CWC22: variants seen among roughly 807,000 people sequenced by gnomAD.
CWC22 encodes pre-mRNA-splicing factor CWC22 homolog.
In CWC22, 53 loss-of-function variants were observed where a neutral mutation model predicts 117.2. That is an observed-to-expected ratio of 0.45 (90% CI 0.36 to 0.57). CWC22 has a LOEUF of 0.57. CWC22 is among the 20% of genes least tolerant of loss of function. CWC22 has a pLI of 0.00. For missense variants in CWC22, 980 were observed against 1,068.8 expected (o/e 0.92, Z 1.16); for synonymous variants, 360 against 355.6 (o/e 1.01, Z -0.14).
rs1686420962 is a variant in CWC22 at position 179,950,609 on chromosome 2, G to C, written c.2043C>G (p.Asp681Glu). Residue 681 changes from aspartate to glutamate, a missense_variant, in exon 19 of 20, where the codon GAC (aspartate) becomes GAG (glutamate). Around this residue, in one of 3 missense-constraint regions of CWC22, gnomAD observed 306 missense variants for 296.8 expected, o/e 1.03. Coordinates refer to ENST00000410053, the MANE Select transcript of CWC22 (RefSeq NM_020943.3). The stretch of plus-strand genomic sequence containing the variant: ...TGCTGTCAGAATCAGAGTCGGATGA[G>C]TCAGACTCTGAAGAGGAGGACGCTG... Reference protein sequence around the residue: ...SSSASSSSESDSSDSDSDSSD... With the variant: ...SSSASSSSESESSDSDSDSSD... 1 of 1,612,922 alleles carries C rather than the reference G, an allele frequency of 6.2e-7. No individual in the cohort carries two copies. The highest frequency in any genetic ancestry group is 8.5e-7 in the Non-Finnish European group (1 of 1,179,132).
intron 1 of CWC22, among the ~76,000 whole-genome samples, chr2:180,005,787 T>A (rs1184593734): frequency 6.6e-6 from 1 of 152,166 alleles, no homozygotes; most frequent in Non-Finnish European, 1.5e-5. Context: ...GACAATACAG[T>A]GAGGCAGGTA....
chr2:179,970,592 T>C (rs2105527575), intron 10 of CWC22, 29 bp from the exon 11 acceptor site: 1 of 1,558,008 alleles, frequency 6.4e-7, no homozygotes, highest in East Asian at 2.4e-5. Flanking sequence ...TTAATGTTTA[T>C]TTTCTATATT....
intron 1 of CWC22, among the ~76,000 whole-genome samples, chr2:180,002,203 T>C (rs1165267561): frequency 6.6e-6 from 1 of 152,196 alleles, no homozygotes; most frequent in Non-Finnish European, 1.5e-5. Context: ...AAACCAGCTC[T>C]TCTTCTAAGA....
At chr2:179,957,245 C>A (rs1456313155) in intron 14 of CWC22, among the ~76,000 whole-genome samples, 1 of 151,934 alleles carries the variant, frequency 6.6e-6, no homozygotes, top group Non-Finnish European at 1.5e-5. Context: ...TACAAACAAG[C>A]ACACTATTAC....
chr2:179,991,481 C>A (rs1687565547), intron 2 of CWC22, among the ~76,000 whole-genome samples: 1 of 152,056 alleles, frequency 6.6e-6, no homozygotes, highest in African/African-American at 2.4e-5. Context: ...TAGAGCCAAG[C>A]CACTAAGTGT....
At chr2:179,979,035 A>C (rs971869263) in intron 5 of CWC22, among the ~76,000 whole-genome samples, 4 of 152,138 alleles carry the variant, frequency 2.6e-5, no homozygotes, top group African/African-American at 9.7e-5. Flanking sequence ...AGATCTTTCA[A>C]TGCTCTACAG....
chr2:179,955,560 CA>C (rs1686567750), intron 14 of CWC22, among the ~76,000 whole-genome samples: 1 of 151,858 alleles, frequency 6.6e-6, no homozygotes, highest in Non-Finnish European at 1.5e-5. Flanking sequence ...AAAGAAACAT[CA>C]AAAAACACCT....
Position 179,950,725 on chromosome 2 carries a change from G to T in CWC22, c.1927C>A (p.Leu643Met). The T allele has an allele frequency of 1.2e-6, 2 of 1,612,806 alleles. No individual in the cohort carries two copies. Among genetic ancestry groups the T allele is most frequent in the Non-Finnish European group, 1.7e-6 (2 of 1,179,024 alleles). Residue 643 changes from leucine (L) to methionine (M), a missense_variant, in exon 19 of 20, where the codon CTG becomes ATG. Coordinates refer to ENST00000410053, the MANE Select transcript of CWC22 (RefSeq NM_020943.3). ...SIGLGGLTDE[L>M]REHLKNTPKV... is the part of the protein sequence containing the mutation. ...GGTGTATTTTTGAGATGCTCCCGCA[G>T]TTCATCCCTAATTTAAAATATAATC...
At position 179,950,522 on chromosome 2, in the gene CWC22, G is replaced by A. The variant is rs1378212343; in HGVS notation, c.2130C>T (p.Ser710=). The change falls in exon 19 of 20, where the codon AGC becomes AGT. Residue 710 remains serine (S), a synonymous_variant. Transcript: ENST00000410053. Reference sequence around the variant, plus strand: ...CATAAGCTTCAATACCTGAGGCAGAGCTATGACTACTGATGGATGAAGAGT... The same window carrying A: ...CATAAGCTTCAATACCTGAGGCAGAACTATGACTACTGATGGATGAAGAGT... ...ESDSSSISSH[S]SASANDVRKK... The A allele has an allele frequency of 1.2e-6, 2 of 1,606,016 alleles. No individual in the cohort carries two copies. Among genetic ancestry groups the A allele is most frequent in the Non-Finnish European group, 1.7e-6 (2 of 1,173,966 alleles).
Position 179,952,587 on chromosome 2 carries a change from A to G in CWC22, c.1701T>C (p.Cys567=), listed in dbSNP as rs377463195. 8.9e-5 allele frequency: 129 copies of G among 1,449,454 alleles called. No homozygotes were observed. Among genetic ancestry groups the G allele is most frequent in the Admixed American group, 5.4e-4 (22 of 40,934 alleles). The allele number at this position is 1,449,454 out of a possible 1,614,324, so 89.8% of individuals were successfully genotyped here. ...TDSLPWSVLE[C]IKLSEETTTS... ...TAGTGGTTTCTTCACTCAGTTTTAT[A>G]CATTCAAGAACCTGAAAATTAAAAT... The change falls in exon 17 of 20, where the codon TGT becomes TGC. Residue 567 remains cysteine, a synonymous_variant. Coordinates refer to ENST00000410053, the MANE Select transcript of CWC22 (RefSeq NM_020943.3).
intron 6 of CWC22, among the ~76,000 whole-genome samples, chr2:179,974,546 T>C (rs550445787): frequency 6.6e-6 from 1 of 152,326 alleles, no homozygotes. Context: ...GTTTTAGATA[T>C]GACAACTGAA....
chr2:179,965,793 G>A, intron 12 of CWC22, 85 bp downstream of exon 12: 2 of 1,161,214 alleles, frequency 1.7e-6, no homozygotes, highest in South Asian at 3.3e-5. Context: ...TCTCCCCAAA[G>A]ATTGAGAACT....
At chr2:179,971,225 C>G (rs1029929766) in intron 8 of CWC22, 149 bp from the exon 9 acceptor site, 23 of 517,358 alleles carry the variant, frequency 4.4e-5, no homozygotes, top group African/African-American at 3.7e-4. Context: ...TGGAAATACT[C>G]CAAATATGGG....
At position 179,973,201 on chromosome 2, in the gene CWC22, G is replaced by T; in HGVS notation, c.796C>A (p.Gln266Lys). The T allele has an allele frequency of 6.3e-7, 1 of 1,597,900 alleles. No individual in the cohort carries two copies. The highest frequency in any genetic ancestry group is 1.1e-5 in the South Asian group (1 of 88,140). ...ASKFVAHLIN[Q>K]NVAHEVLCLE... ...TGAAGATAATTACTTACCACATTTT[G>T]GTTAATAAGATGCGCCACAAATTTT... Residue 266 changes from glutamine to lysine, a missense_variant, in exon 8 of 20, where the codon CAA (glutamine) becomes AAA (lysine). Coordinates refer to ENST00000410053, the MANE Select transcript of CWC22 (RefSeq NM_020943.3).
In CWC22 at chr2:180,006,113, G is replaced by A. The variant is rs1279376578; in HGVS notation, c.-114+754C>T. 2.6e-5 allele frequency among the ~76,000 whole-genome samples: 4 copies of A among 152,166 alleles called. No homozygotes were observed. In the South Asian group the frequency reaches 6.2e-4, roughly 24 times the overall value. On this transcript the variant is annotated intron_variant, in intron 1 of 19. Coordinates refer to ENST00000410053, the MANE Select transcript of CWC22 (RefSeq NM_020943.3). Reference sequence around the variant, plus strand: ...AAGGTAAGTCTAAATACAGATAAGAGGTAGGTTAACTGATCTGCTGAGAAC... The same window carrying A: ...AAGGTAAGTCTAAATACAGATAAGAAGTAGGTTAACTGATCTGCTGAGAAC...
At chr2:179,973,503 T>C in intron 7 of CWC22, 131 bp downstream of exon 7, 1 of 690,206 alleles carries the variant, frequency 1.4e-6, no homozygotes, top group Non-Finnish European at 2.4e-6. Context: ...AAAGAAGTTC[T>C]CATGAAAGAC....
chr2:179,970,473 CTAAAT>C (rs1454485793), intron 11 of CWC22, 23 bp downstream of exon 11: 1 of 1,492,070 alleles, frequency 6.7e-7, no homozygotes, highest in Non-Finnish European at 9.0e-7. Context: ...CTTATCCAAA[CTAAAT>C]TATTTTATAA....
intron 15 of CWC22, 81 bp downstream of exon 15, chr2:179,954,876 A>T: frequency 1.1e-6 from 1 of 884,660 alleles, no homozygotes; most frequent in Non-Finnish European, 1.8e-6. Flanking sequence ...TATGTTTTTA[A>T]ATGAGACCAG....
chr2:179,980,638 G>A (rs562329144), intron 5 of CWC22, among the ~76,000 whole-genome samples: 17 of 151,834 alleles, frequency 1.1e-4, no homozygotes, highest in Non-Finnish European at 2.2e-4. Context: ...GGCTGGTCTC[G>A]AACTTTGGGA....
Sources: gnomAD v4.1 joint callset for allele counts (sites outside exome capture counted in the v4.1 genomes callset) on GRCh38, gnomAD v4.1.1 for gene constraint, gnomAD v4.1.1 regional missense constraint, MANE v1.5 for transcripts, NCBI Gene and HGNC (gene_info 2026-07-23, HGNC 2026-07-21) for gene names.